The following PBX1 variants were observed in gnomAD, a reference collection of about 807,000 sequenced individuals.
The protein encoded by PBX1 is pre-B-cell leukemia transcription factor 1.
In PBX1, 6 loss-of-function variants were observed where a neutral mutation model predicts 53.4. That is an observed-to-expected ratio of 0.11 (90% CI 0.06 to 0.22). PBX1 has a LOEUF of 0.22. PBX1 is among the 10% of genes least tolerant of loss of function. The pLI, the probability that PBX1 is intolerant of heterozygous loss-of-function variation, is 1.00. For missense variants in PBX1, 251 were observed against 551.4 expected (o/e 0.46, Z 5.46); for synonymous variants, 204 against 212.3 (o/e 0.96, Z 0.34).
chr1:164,737,481 C>CT (rs1041628218), intron 2 of PBX1, among the ~76,000 whole-genome samples: 13 of 148,450 alleles, frequency 8.8e-5, no homozygotes, highest in Middle Eastern at 3.5e-3. Flanking sequence ...TTTTTCTTTC[C>CT]TTTTTTTTTG....
At chr1:164,607,694 A>G (rs116560442) in intron 2 of PBX1, among the ~76,000 whole-genome samples, 2,112 of 152,314 alleles carry the variant, frequency 0.014, 17 homozygotes, top group Middle Eastern at 0.024. Context: ...AAGAGAGCCT[A>G]CACAGTATAG....
intron 3 of PBX1, among the ~76,000 whole-genome samples, chr1:164,794,505 CTG>C (rs1303729260): frequency 3.9e-5 from 6 of 152,108 alleles, no homozygotes; most frequent in African/African-American, 1.2e-4. Flanking sequence ...TGGTAAGAAG[CTG>C]TGAGTCATCC....
chr1:164,834,047 G>GTGTT (rs1417138254), intron 8 of PBX1, among the ~76,000 whole-genome samples: 107 of 148,528 alleles, frequency 7.2e-4, no homozygotes, highest in African/African-American at 2.4e-3. Flanking sequence ...GTGTGTGTGT[G>GTGTT]TGTGTGTGTG....
intron 8 of PBX1, among the ~76,000 whole-genome samples, chr1:164,832,589 G>A (rs2102392432): frequency 6.6e-6 from 1 of 152,022 alleles, no homozygotes; most frequent in South Asian, 2.1e-4. Context: ...TTTAAAGTAA[G>A]TTAAAAGAAT....
chr1:164,776,790 A>T (rs1298685492), intron 2 of PBX1, among the ~76,000 whole-genome samples: 2 of 152,150 alleles, frequency 1.3e-5, no homozygotes, highest in Admixed American at 1.3e-4. Context: ...GAGGTTAATG[A>T]ATCTGTGAGC....
chr1:164,788,386 G>A (rs1344162286), intron 2 of PBX1, among the ~76,000 whole-genome samples: 2 of 140,248 alleles, frequency 1.4e-5, no homozygotes, highest in Non-Finnish European at 3.1e-5. Flanking sequence ...TAATGTTGGT[G>A]TTTTTTTTTT....
Position 164,655,100 on chromosome 1 carries a change from GTTT to G in PBX1, c.265+91803_265+91805del, listed in dbSNP as rs35954587. On this transcript the variant is annotated intron_variant, in intron 2 of 8. Transcript: ENST00000420696. ...CTCTCTTCCCCAGTCTCTGATGTGT[GTTT>G]TTTTTTTTTTTTTATTTTTATTTTT... is the stretch of plus-strand genomic sequence containing the variant. Among the ~76,000 whole-genome samples the G allele has an allele frequency of 6.7e-4, 93 of 138,828 alleles. 1 individual carries two copies. Among genetic ancestry groups the G allele is most frequent in the Admixed American group, 9.2e-4 (13 of 14,200 alleles). The allele number at this position is 138,828 out of a possible 152,430, so 91.1% of individuals were successfully genotyped here.
intron 2 of PBX1, among the ~76,000 whole-genome samples, chr1:164,685,827 A>G (rs533499512): frequency 6.6e-6 from 1 of 152,336 alleles, no homozygotes; most frequent in South Asian, 2.1e-4. Context: ...GGCTAAGTGC[A>G]TTCTATACAC....
intron 2 of PBX1, among the ~76,000 whole-genome samples, chr1:164,719,073 G>T (rs926551297): frequency 6.6e-6 from 1 of 152,096 alleles, no homozygotes; most frequent in Non-Finnish European, 1.5e-5. Flanking sequence ...CACAGGCAAT[G>T]ACCCCGTCAG....
chr1:164,720,518 A>G (rs74526529), intron 2 of PBX1, among the ~76,000 whole-genome samples: 2,197 of 152,278 alleles, frequency 0.014, 45 homozygotes, highest in African/African-American at 0.049. Flanking sequence ...TTCTGGCCAC[A>G]AAGGAAGCAA....
chr1:164,800,026 C>T (rs1267643447), intron 4 of PBX1, 137 bp downstream of exon 4: 46 of 740,154 alleles, frequency 6.2e-5, no homozygotes, highest in East Asian at 4.1e-4. Context: ...GATGGTTCTG[C>T]GAGACTAGAT....
chr1:164,713,794 G>A (rs1663931007), intron 2 of PBX1, among the ~76,000 whole-genome samples: 1 of 152,186 alleles, frequency 6.6e-6, no homozygotes, highest in Admixed American at 6.5e-5. Flanking sequence ...TCTTTGAATA[G>A]CAGAACTGTT....
intron 2 of PBX1, among the ~76,000 whole-genome samples, chr1:164,704,534 A>C (rs750229243): frequency 6.6e-6 from 1 of 152,220 alleles, no homozygotes; most frequent in Non-Finnish European, 1.5e-5. Flanking sequence ...AAGACTTATT[A>C]ATATTAAAGA....
intron 2 of PBX1, among the ~76,000 whole-genome samples, chr1:164,707,420 A>T (rs4656419): frequency 0.78 from 76,147 of 97,490 alleles, 27,756 homozygotes; most frequent in Non-Finnish European, 0.85. Context: ...TGTGTGTGTG[A>T]GAGAGAGAGA....
chr1:164,715,377 G>A (rs1284277890), intron 2 of PBX1, among the ~76,000 whole-genome samples: 3 of 152,158 alleles, frequency 2.0e-5, no homozygotes, highest in Non-Finnish European at 4.4e-5. Context: ...TGTTTTCTTT[G>A]TAGTTGGTTG....
intron 2 of PBX1, chr1:164,703,187 A>T (rs1663231693): frequency 6.6e-6 from 1 of 152,026 alleles, no homozygotes; most frequent in African/African-American, 2.4e-5. Context: ...GATCATATTG[A>T]CATCAAACTG....
chr1:164,745,503 T>C lies in PBX1; in HGVS notation c.266-46991T>C, dbSNP rs530774278. Among the ~76,000 whole-genome samples the C allele has an allele frequency of 2.5e-3, 384 of 152,332 alleles. No individual in the cohort carries two copies. In the Middle Eastern group the frequency reaches 0.027, roughly 11 times the overall value. On this transcript the variant is annotated intron_variant, in intron 2 of 8. Coordinates refer to ENST00000420696, the MANE Select transcript of PBX1 (RefSeq NM_002585.4). The stretch of plus-strand genomic sequence containing the variant: ...AGAGAACCACAAATGATGAACCTTT[T>C]AAACATCACCACTTGTCAACGCAGG...
Position 164,559,432 on chromosome 1 carries a change from C to G in PBX1, c.-391C>G, listed in dbSNP as rs1652850319. 1.6e-5 allele frequency: 4 copies of G among 249,010 alleles called. No homozygotes were observed. The South Asian group carries it at 6.5e-4, about 40-fold the overall frequency. 15.4% of individuals were successfully genotyped at this position (249,010 alleles called of 1,614,324 possible). Reference sequence around the variant, plus strand: ...AATGCATATTTGCAAAAGGATTAAGCCACAGATTTAAGCGCCGGGAGCCCA... The same window carrying G: ...AATGCATATTTGCAAAAGGATTAAGGCACAGATTTAAGCGCCGGGAGCCCA... On this transcript the variant is annotated 5_prime_UTR_variant, in exon 1 of 9. Coordinates refer to ENST00000420696, the MANE Select transcript of PBX1 (RefSeq NM_002585.4).
At chr1:164,757,418 C>T (rs905382947) in intron 2 of PBX1, among the ~76,000 whole-genome samples, 29 of 152,222 alleles carry the variant, frequency 1.9e-4, no homozygotes, top group Middle Eastern at 3.4e-3. Flanking sequence ...AACTCACTGA[C>T]GATTCACATT....
Sources: allele counts gnomAD v4.1 joint callset (sites outside exome capture counted in the v4.1 genomes callset), GRCh38; gene constraint gnomAD v4.1.1; transcripts MANE v1.5; gene names NCBI Gene and HGNC (gene_info 2026-07-23, HGNC 2026-07-21).